Variants in FAT3 observed in about 807,000 individuals in gnomAD.
The protein encoded by FAT3 is protocadherin Fat 3.
Under a neutral mutation model 310.2 loss-of-function variants are expected in FAT3, and 95 were observed. The observed-to-expected ratio is 0.31, with a 90% CI of 0.26 to 0.36. The LOEUF is 0.36. FAT3 is among the 10% of genes least tolerant of loss of function. The probability of loss-of-function intolerance (pLI) is 1.00; values close to 1 mark genes in which losing one functional copy is unlikely to be tolerated. For synonymous variants in FAT3, 2,314 were observed against 2,192.9 expected (o/e 1.06, Z -1.54); for missense variants, 5,408 against 5,715.6 (o/e 0.95, Z 1.74).
rs1250191981 is a variant in FAT3, at chr11:92,786,145, G to GA, written c.4336-3793dup. 1.3e-5 allele frequency among the ~76,000 whole-genome samples: 2 copies of GA among 152,042 alleles called. 1 individual carries two copies. Among genetic ancestry groups the GA allele is most frequent in the Admixed American group, 1.3e-4 (2 of 15,242 alleles). On this transcript the variant is annotated intron_variant, in intron 7 of 27. Coordinates refer to ENST00000525166, the MANE Select transcript of FAT3 (RefSeq NM_001367949.2). ...ATGGAAAATAATCGCAGTATGCCAG[G>GA]AAAAATTGCAACTCGATTAGCGATG...
At chr11:92,359,301 T>A (rs1232147073) in intron 2 of FAT3, among the ~76,000 whole-genome samples, 1 of 152,208 alleles carries the variant, frequency 6.6e-6, no homozygotes, top group Non-Finnish European at 1.5e-5. Flanking sequence ...TCTTTTCTAG[T>A]CAAATTTTAC....
chr11:92,894,897 A>G lies in FAT3; in HGVS notation c.*3784A>G, dbSNP rs954121894. 1 of 152,220 alleles carries G rather than the reference A, an allele frequency of 6.6e-6. No individual in the cohort carries two copies. The highest frequency in any genetic ancestry group is 2.4e-5 in the African/African-American group (1 of 41,460). The allele number at this position is 152,220 out of a possible 1,614,324, so 9.4% of individuals were successfully genotyped here. A position where few individuals can be genotyped will look rare whatever the true frequency, so the allele number is the denominator to read the frequency against. ...ATTCTGGAAAAAAAGCAAGTTGAACATATCTACCATCAGTCCTCTCCTACT... is the reference window on the plus strand; with the variant it reads ...ATTCTGGAAAAAAAGCAAGTTGAACGTATCTACCATCAGTCCTCTCCTACT... On this transcript the variant is annotated 3_prime_UTR_variant, in exon 28 of 28. Coordinates refer to ENST00000525166, the MANE Select transcript of FAT3 (RefSeq NM_001367949.2).
intron 4 of FAT3, among the ~76,000 whole-genome samples, chr11:92,736,732 T>C (rs1003320677): frequency 4.6e-5 from 7 of 152,172 alleles, no homozygotes; most frequent in African/African-American, 7.2e-5. Context: ...GCAACACCTA[T>C]ACTCTTTTGA....
intron 6 of FAT3, 79 bp from the exon 7 acceptor site, chr11:92,773,962 C>T: frequency 6.6e-7 from 1 of 1,512,906 alleles, no homozygotes; most frequent in Non-Finnish European, 8.9e-7. Context: ...TGTATAAGAG[C>T]TCCCTTTAAA....
intron 4 of FAT3, among the ~76,000 whole-genome samples, chr11:92,704,186 G>C (rs1341651133): frequency 6.6e-6 from 1 of 152,188 alleles, no homozygotes; most frequent in Non-Finnish European, 1.5e-5. Context: ...CATCTGAAGA[G>C]CAGGTTTTCT....
chr11:92,604,874 C>G (rs1940199134), intron 3 of FAT3, among the ~76,000 whole-genome samples: 1 of 152,228 alleles, frequency 6.6e-6, no homozygotes, highest in African/African-American at 2.4e-5. Flanking sequence ...CTCTGCTAGG[C>G]ATTAGCTAAG....
intron 21 of FAT3, among the ~76,000 whole-genome samples, chr11:92,859,680 G>A (rs1406934094): frequency 6.6e-6 from 1 of 152,112 alleles, no homozygotes. Flanking sequence ...TACCACATGG[G>A]TCTATCCCCA....
In FAT3 at chr11:92,844,486, A is replaced by G. The variant is rs376801483; in HGVS notation, c.11119A>G (p.Met3707Val). Residue 3707 changes from methionine (M) to valine (V), a missense_variant, in exon 19 of 28, where the codon ATG (methionine) becomes GTG (valine). Met to Val is a conservative substitution (Grantham distance 21, BLOSUM62 1). Around this residue, in one of 5 missense-constraint regions of FAT3, gnomAD observed 4,588 missense variants for 4,809.8 expected, o/e 0.95. Coordinates refer to ENST00000525166, the MANE Select transcript of FAT3 (RefSeq NM_001367949.2). ...ACTGGACATGCTGTTTGCGGTGGAG[A>G]TGCACAGCAGCGAGTTCTACAAGCC... is the stretch of plus-strand genomic sequence containing the variant. Reference protein sequence around the residue: ...NQLDMLFAVEMHSSEFYKPAY... With the variant: ...NQLDMLFAVEVHSSEFYKPAY... The G allele has an allele frequency of 3.1e-5, 50 of 1,613,796 alleles. No individual in the cohort carries two copies. Among genetic ancestry groups the G allele is most frequent in the East Asian group, 8.9e-5 (4 of 44,890 alleles).
In FAT3 at chr11:92,801,924, C is replaced by T. The variant is rs748812073; in HGVS notation, c.8896+15C>T. On this transcript the variant is annotated intron_variant, in intron 10 of 27. Coordinates refer to ENST00000525166, the MANE Select transcript of FAT3 (RefSeq NM_001367949.2). ...CCATATTACAGGTGAGTAAATACCC[C>T]CAGTTTTCATTATGTGCACTGCTTT... is the stretch of plus-strand genomic sequence containing the variant. 6.2e-7 allele frequency: 1 copy of T among 1,603,884 alleles called. No homozygotes were observed. Among genetic ancestry groups the T allele is most frequent in the African/African-American group, 1.3e-5 (1 of 74,644 alleles).
At chr11:92,319,760 C>G (rs889563756) in intron 1 of FAT3, among the ~76,000 whole-genome samples, 9 of 151,950 alleles carry the variant, frequency 5.9e-5, no homozygotes, top group African/African-American at 1.9e-4. Flanking sequence ...TATAAAGTAC[C>G]CAGTATAAAC....
rs967810573 is a variant in FAT3 at position 92,882,803 on chromosome 11, T to C, written c.12347T>C (p.Val4116Ala). 6.2e-7 allele frequency: 1 copy of C among 1,611,866 alleles called. No individual in the cohort carries two copies. The highest frequency in any genetic ancestry group is 8.5e-7 in the Non-Finnish European group (1 of 1,179,246). ...ECENGGSCVN[V>A]FGSFLCNCTP... ...GAGAACGGAGGCTCCTGCGTGAACG[T>C]GTTCGGCTCCTTCCTCTGCAACTGC... The change falls in exon 24 of 28, where the codon GTG becomes GCG. Residue 4116 changes from valine to alanine, a missense_variant. Around this residue, in one of 5 missense-constraint regions of FAT3, gnomAD observed 649 missense variants for 666.2 expected, o/e 0.97. Transcript: ENST00000525166.
At chr11:92,292,582 A>T (rs1215328798) in intron 1 of FAT3, among the ~76,000 whole-genome samples, 1 of 152,088 alleles carries the variant, frequency 6.6e-6, no homozygotes, top group Non-Finnish European at 1.5e-5. Flanking sequence ...GTCCCTGCAT[A>T]TTTTTGTGAT....
At chr11:92,232,103 T>G (rs1454510916) in intron 1 of FAT3, among the ~76,000 whole-genome samples, 1 of 152,300 alleles carries the variant, frequency 6.6e-6, no homozygotes, top group South Asian at 2.1e-4. Context: ...TACCGTCCCA[T>G]GCTAGGGTGG....
At chr11:92,842,748 G>A (rs1251628742) in intron 18 of FAT3, among the ~76,000 whole-genome samples, 3 of 152,134 alleles carry the variant, frequency 2.0e-5, no homozygotes, top group African/African-American at 7.2e-5. Context: ...GTGTGGTGGT[G>A]CACACCTATA....
intron 3 of FAT3, among the ~76,000 whole-genome samples, chr11:92,695,360 T>G (rs1943907520): frequency 6.6e-6 from 1 of 152,040 alleles, no homozygotes; most frequent in Admixed American, 6.5e-5. Context: ...GTGATTCCGA[T>G]GGTCAGCTAA....
intron 2 of FAT3, among the ~76,000 whole-genome samples, chr11:92,445,203 T>C (rs1033926608): frequency 6.6e-6 from 1 of 152,224 alleles, no homozygotes; most frequent in African/African-American, 2.4e-5. Context: ...TATGGCAGCC[T>C]AAGCAAACTA....
At chr11:92,430,793 G>A (rs1950749892) in intron 2 of FAT3, among the ~76,000 whole-genome samples, 1 of 151,986 alleles carries the variant, frequency 6.6e-6, no homozygotes, top group Non-Finnish European at 1.5e-5. Flanking sequence ...AGTTTGCTGA[G>A]AATGATGGTT....
chr11:92,753,798 G>GTGTGTGTGTGTGTATATATATATATATA, intron 4 of FAT3, among the ~76,000 whole-genome samples: 2 of 119,112 alleles, frequency 1.7e-5, no homozygotes, highest in Non-Finnish European at 3.5e-5. Flanking sequence ...GTGTGTGTGT[G>GTGTGTGTGTGTGTATATATATATATATA]TATATATATA....
chr11:92,277,588 A>C (rs769216208), intron 1 of FAT3, among the ~76,000 whole-genome samples: 1 of 152,150 alleles, frequency 6.6e-6, no homozygotes, highest in African/African-American at 2.4e-5. Context: ...CGTTGTCCTA[A>C]GTGAGATAAC....
Sources: gnomAD v4.1 joint callset for allele counts (sites outside exome capture counted in the v4.1 genomes callset) on GRCh38, gnomAD v4.1.1 for gene constraint, gnomAD v4.1.1 regional missense constraint, MANE v1.5 for transcripts, NCBI Gene and HGNC (gene_info 2026-07-23, HGNC 2026-07-21) for gene names.